PDE1A: variants seen among roughly 807,000 people sequenced by gnomAD.
The protein encoded by PDE1A is phosphodiesterase 1A.
In PDE1A, 35 loss-of-function variants were observed where a neutral mutation model predicts 61.7. The ratio of observed to expected loss-of-function variants is 0.57; its 90% CI spans 0.43 to 0.75. The LOEUF (loss-of-function observed/expected upper bound fraction) is 0.75, where lower values mean the gene tolerates loss of function less well. Ranked by LOEUF, PDE1A falls within the 30% of genes least tolerant of loss-of-function variation. PDE1A has a pLI of 0.00. For synonymous variants in PDE1A, 232 were observed against 213.2 expected, an observed-to-expected ratio of 1.09 and a Z score of -0.77; for missense variants, 597 against 630.6, an observed-to-expected ratio of 0.95 and a Z score of 0.57.
chr2:182,344,507 T>C (rs1332002104), intron 1 of PDE1A, among the ~76,000 whole-genome samples: 4 of 152,152 alleles, frequency 2.6e-5, no homozygotes, highest in African/African-American at 9.7e-5. Context: ...ATTCGACTCA[T>C]CTTGGCTTTT....
rs1409292250 is a variant in PDE1A, at chr2:182,198,147, T to A, written c.1125+3292A>T. ...AAGGTTTCCCCCAAAATTTTATTAT[T>A]TTATGCTGTTATAAAGCATACTGTT... On this transcript the variant is annotated intron_variant, in intron 10 of 13. Transcript: ENST00000351439. Among the ~76,000 whole-genome samples the A allele has an allele frequency of 2.7e-3, 407 of 151,994 alleles. 1 individual carries two copies. Among genetic ancestry groups the A allele is most frequent in the African/African-American group, 9.6e-3 (398 of 41,558 alleles).
intron 1 of PDE1A, among the ~76,000 whole-genome samples, chr2:182,375,551 G>C (rs368945886): frequency 5.3e-5 from 8 of 152,226 alleles, no homozygotes; most frequent in East Asian, 3.9e-4. Flanking sequence ...GCAGGGTACT[G>C]TCTGCCTCCC....
At chr2:182,699,594 A>T in the PDE1A span, among the ~76,000 whole-genome samples, 1 of 152,214 alleles carries the variant, frequency 6.6e-6, no homozygotes, top group Non-Finnish European at 1.5e-5. Flanking sequence ...ATAGGAGGCT[A>T]GTTAGAGTAT....
chr2:182,580,456 T>G, the PDE1A span, among the ~76,000 whole-genome samples: 1 of 152,102 alleles, frequency 6.6e-6, no homozygotes, highest in Non-Finnish European at 1.5e-5. Context: ...GAGATACTAG[T>G]CATATTAGAT....
chr2:182,304,645 T>C (rs564991020), intron 1 of PDE1A, among the ~76,000 whole-genome samples: 13 of 152,262 alleles, frequency 8.5e-5, no homozygotes, highest in South Asian at 6.2e-4. Flanking sequence ...TTCAATAATA[T>C]TGTGTCTCAA....
intron 2 of PDE1A, among the ~76,000 whole-genome samples, chr2:182,505,064 T>C (rs1028645479): frequency 6.6e-6 from 1 of 152,194 alleles, no homozygotes; most frequent in Non-Finnish European, 1.5e-5. Flanking sequence ...CTCACTGCAA[T>C]TGGGAAACTT....
chr2:182,344,729 GTC>G lies in PDE1A; in HGVS notation c.54-80317_54-80316del, dbSNP rs74268912. ...TTTCTTCTTTCTTTCCTTTCTCTCT[GTC>G]TCTCTGTCTCTCTCTCTCTCACACA... On this transcript the variant is annotated intron_variant, in intron 1 of 13. Transcript: ENST00000351439. Among the ~76,000 whole-genome samples, 8 of 119,786 alleles carry G rather than the reference GTC, an allele frequency of 6.7e-5. No homozygotes were observed. In the Admixed American group the frequency reaches 7.3e-4, roughly 11 times the overall value. 78.6% of individuals were successfully genotyped at this position (119,786 alleles called of 152,430 possible). A position where few individuals can be genotyped will look rare whatever the true frequency, so the allele number is the denominator to read the frequency against.
intron 7 of PDE1A, among the ~76,000 whole-genome samples, chr2:182,208,985 G>A (rs968097339): frequency 1.3e-5 from 2 of 152,154 alleles, no homozygotes; most frequent in Admixed American, 6.5e-5. Flanking sequence ...TTGAGTTAAT[G>A]CTGGAGTGAG....
chr2:182,339,626 G>A (rs1293293387), intron 1 of PDE1A, among the ~76,000 whole-genome samples: 1 of 152,144 alleles, frequency 6.6e-6, no homozygotes, highest in Non-Finnish European at 1.5e-5. Flanking sequence ...CTATCTGCTG[G>A]AGCCTACTGC....
At chr2:182,414,042 G>T (rs748248708) in intron 1 of PDE1A, among the ~76,000 whole-genome samples, 1 of 151,772 alleles carries the variant, frequency 6.6e-6, no homozygotes, top group African/African-American at 2.4e-5. Flanking sequence ...AATGTGAATC[G>T]GCACTCAGAA....
At chr2:182,161,535 C>A (rs1369241621) in intron 13 of PDE1A, among the ~76,000 whole-genome samples, 1 of 152,070 alleles carries the variant, frequency 6.6e-6, no homozygotes, top group East Asian at 1.9e-4. Context: ...GGATTAACTG[C>A]ATTGTCAGAA....
At chr2:182,331,342 C>T (rs1353391510) in intron 1 of PDE1A, among the ~76,000 whole-genome samples, 2 of 152,170 alleles carry the variant, frequency 1.3e-5, no homozygotes, top group African/African-American at 4.8e-5. Context: ...GGCATTTAGC[C>T]CATTTACATT....
At chr2:182,285,704 G>A (rs1298914461) in intron 1 of PDE1A, among the ~76,000 whole-genome samples, 1 of 152,080 alleles carries the variant, frequency 6.6e-6, no homozygotes, top group Non-Finnish European at 1.5e-5. Context: ...AGGCTTCTGT[G>A]ACCCACCATA....
chr2:182,572,207 C>T, the PDE1A span, among the ~76,000 whole-genome samples: 1 of 152,044 alleles, frequency 6.6e-6, no homozygotes, highest in Admixed American at 6.5e-5. Context: ...TGTGCTTATA[C>T]GAAGCCCATT....
At chr2:182,553,672 G>A in the PDE1A span, among the ~76,000 whole-genome samples, 1 of 152,206 alleles carries the variant, frequency 6.6e-6, no homozygotes, top group Non-Finnish European at 1.5e-5. Context: ...TGAAAAGAAT[G>A]ATTAACTTGC....
At chr2:182,620,955 C>T in the PDE1A span, among the ~76,000 whole-genome samples, 26 of 152,244 alleles carry the variant, frequency 1.7e-4, no homozygotes, top group Middle Eastern at 3.4e-3. Context: ...ATTATCAGCC[C>T]ACACAAGACA....
At chr2:182,220,993 A>T (rs763195060) in intron 7 of PDE1A, among the ~76,000 whole-genome samples, 3 of 151,870 alleles carry the variant, frequency 2.0e-5, no homozygotes, top group Non-Finnish European at 2.9e-5. Flanking sequence ...CTGTTAGACA[A>T]TTTTTTCCCA....
intron 2 of PDE1A, among the ~76,000 whole-genome samples, chr2:182,507,361 A>T (rs1199717243): frequency 6.6e-6 from 1 of 152,172 alleles, no homozygotes; most frequent in Non-Finnish European, 1.5e-5. Context: ...ATTTTGAGAA[A>T]GTTGGGTAGT....
chr2:182,491,266 C>G (rs1182276012), intron 2 of PDE1A, among the ~76,000 whole-genome samples: 1 of 152,036 alleles, frequency 6.6e-6, no homozygotes, highest in Non-Finnish European at 1.5e-5. Context: ...ATGAAATGAT[C>G]AGAGTGGAAT....
Sources: allele counts gnomAD v4.1 joint callset (sites outside exome capture counted in the v4.1 genomes callset), GRCh38; gene constraint gnomAD v4.1.1; transcripts MANE v1.5; gene names NCBI Gene and HGNC (gene_info 2026-07-23, HGNC 2026-07-21).